The following SYNE2 variants were observed in gnomAD, a reference collection of about 807,000 sequenced individuals.
SYNE2 encodes nesprin-2.
SYNE2 carries 431 observed loss-of-function variants against 856.3 expected under a neutral mutation model. The observed-to-expected ratio is 0.50, with a 90% confidence interval of 0.47 to 0.55. The LOEUF (loss-of-function observed/expected upper bound fraction) is 0.55. Ranked by LOEUF, SYNE2 falls within the 20% of genes least tolerant of loss-of-function variation. SYNE2 has a pLI of 0.00. For synonymous variants in SYNE2, 2,923 were observed against 2,872.3 expected, an observed-to-expected ratio of 1.02 and a Z score of -0.56; for missense variants, 8,129 against 8,023.2, an observed-to-expected ratio of 1.01 and a Z score of -0.50.
chr14:63,980,406 A>G (rs2096576763), intron 14 of SYNE2, among the ~76,000 whole-genome samples: 1 of 152,200 alleles, frequency 6.6e-6, no homozygotes, highest in Non-Finnish European at 1.5e-5. Flanking sequence ...GAAAACTACT[A>G]TAGCACCATG....
chr14:64,044,529 G>T (rs973343486), intron 45 of SYNE2, among the ~76,000 whole-genome samples: 1 of 152,142 alleles, frequency 6.6e-6, no homozygotes, highest in Admixed American at 6.5e-5. Flanking sequence ...TGAAATGTGA[G>T]GACATGAGAT....
chr14:64,069,685 C>T (rs1019837601), intron 51 of SYNE2, among the ~76,000 whole-genome samples: 1 of 152,174 alleles, frequency 6.6e-6, no homozygotes, highest in East Asian at 1.9e-4. Flanking sequence ...GATTGAACAA[C>T]TTGACCTTTA....
intron 8 of SYNE2, among the ~76,000 whole-genome samples, chr14:63,958,050 C>G (rs979529342): frequency 1.3e-5 from 2 of 149,796 alleles, no homozygotes; most frequent in Admixed American, 6.6e-5. Context: ...TCAAAAAAAA[C>G]AAAAAAAAAG....
intron 1 of SYNE2, among the ~76,000 whole-genome samples, chr14:63,889,919 A>T (rs73268085): frequency 0.066 from 10,111 of 152,224 alleles, 490 homozygotes; most frequent in African/African-American, 0.13. Flanking sequence ...GACAAAAAGG[A>T]TAGAATCTAG....
intron 1 of SYNE2, among the ~76,000 whole-genome samples, chr14:63,885,850 C>T (rs952801951): frequency 1.2e-4 from 19 of 152,278 alleles, no homozygotes; most frequent in African/African-American, 3.9e-4. Flanking sequence ...GCCAGGTTTT[C>T]GGTTAGGTAC....
At chr14:64,046,209 G>A (rs1191964596) in intron 45 of SYNE2, among the ~76,000 whole-genome samples, 1 of 152,244 alleles carries the variant, frequency 6.6e-6, no homozygotes, top group African/African-American at 2.4e-5. Context: ...GAATGCAGAT[G>A]CATTGTCTCT....
At chr14:63,841,995 G>C (rs749165409) in intron 1 of SYNE2, among the ~76,000 whole-genome samples, 5 of 151,312 alleles carry the variant, frequency 3.3e-5, no homozygotes, top group Non-Finnish European at 7.4e-5. Flanking sequence ...ACCATGCCCG[G>C]CTAATTTTTT....
chr14:64,187,239 C>T (rs192509458), intron 97 of SYNE2, among the ~76,000 whole-genome samples: 10 of 152,120 alleles, frequency 6.6e-5, no homozygotes, highest in Admixed American at 1.3e-4. Context: ...AGAATTCCAA[C>T]GAAAATAAAT....
At chr14:64,199,085 T>C (rs1002274391) in intron 99 of SYNE2, among the ~76,000 whole-genome samples, 2 of 152,172 alleles carry the variant, frequency 1.3e-5, no homozygotes, top group Non-Finnish European at 2.9e-5. Flanking sequence ...GTGGGCAGCA[T>C]GTATTGAGCC....
At position 64,051,514 on chromosome 14, in the gene SYNE2, A is replaced by C. The variant is rs750022978; in HGVS notation, c.7644-43A>C. On this transcript the variant is annotated intron_variant, in intron 47 of 115. Transcript: ENST00000555002. ...ATTTATCCACATTTTAATGTAGAAT[A>C]AGCATTAAATATTAACAAGCTCTAT... 7 of 1,518,398 alleles carry C rather than the reference A, an allele frequency of 4.6e-6. No homozygotes were observed. In the South Asian group the frequency reaches 8.6e-5, roughly 19 times the overall value. The allele number at this position is 1,518,398 out of a possible 1,614,324, so 94.1% of individuals were successfully genotyped here.
intron 10 of SYNE2, among the ~76,000 whole-genome samples, chr14:63,965,853 T>A (rs1296064092): frequency 6.6e-6 from 1 of 152,220 alleles, no homozygotes; most frequent in East Asian, 1.9e-4. Flanking sequence ...TTAGCTCTGA[T>A]CTAAGATTTT....
intron 1 of SYNE2, among the ~76,000 whole-genome samples, chr14:63,805,334 C>T (rs2139809495): frequency 6.6e-6 from 1 of 152,288 alleles, no homozygotes; most frequent in Non-Finnish European, 1.5e-5. Flanking sequence ...AATATTGATT[C>T]TTCCTATCCA....
intron 65 of SYNE2, 100 bp downstream of exon 65, chr14:64,107,707 A>C: frequency 1.0e-6 from 1 of 959,268 alleles, no homozygotes; most frequent in Non-Finnish European, 1.7e-6. Context: ...ACGTCAAGCT[A>C]AGTGTTCCTT....
chr14:64,054,711 C>T (rs373934506), intron 48 of SYNE2, among the ~76,000 whole-genome samples: 27 of 152,332 alleles, frequency 1.8e-4, no homozygotes, highest in African/African-American at 6.5e-4. Flanking sequence ...AACACACTCC[C>T]TTCCCTTCCT....
intron 1 of SYNE2, among the ~76,000 whole-genome samples, chr14:63,769,797 G>C (rs1208093565): frequency 6.6e-6 from 1 of 151,758 alleles, no homozygotes; most frequent in African/African-American, 2.4e-5. Flanking sequence ...TACTCAGGAG[G>C]CTGAGGCGGG....
At chr14:63,884,406 C>T (rs2094934931) in intron 1 of SYNE2, among the ~76,000 whole-genome samples, 1 of 152,150 alleles carries the variant, frequency 6.6e-6, no homozygotes, top group Non-Finnish European at 1.5e-5. Flanking sequence ...CTGCTTGGTA[C>T]CTACTTTGCA....
At chr14:63,862,657 A>T (rs940185707) in intron 1 of SYNE2, among the ~76,000 whole-genome samples, 2 of 152,232 alleles carry the variant, frequency 1.3e-5, no homozygotes, top group Non-Finnish European at 2.9e-5. Flanking sequence ...AAGAAAGACT[A>T]TACACGCATG....
intron 71 of SYNE2, 112 bp from the exon 72 acceptor site, chr14:64,126,215 T>A: frequency 1.1e-6 from 1 of 938,372 alleles, no homozygotes; most frequent in Non-Finnish European, 1.7e-6. Flanking sequence ...AAGCAACTTA[T>A]TACAAAAGAA....
intron 32 of SYNE2, among the ~76,000 whole-genome samples, chr14:64,011,798 T>C (rs998203249): frequency 3.9e-5 from 6 of 152,240 alleles, no homozygotes; most frequent in Non-Finnish European, 8.8e-5. Context: ...CTATACTTTC[T>C]AGATAAGTTA....
Sources: gnomAD v4.1 joint callset for allele counts (sites outside exome capture counted in the v4.1 genomes callset) on GRCh38, gnomAD v4.1.1 for gene constraint, MANE v1.5 for transcripts, NCBI Gene and HGNC (gene_info 2026-07-23, HGNC 2026-07-21) for gene names.